The following UBR2 variants were observed in gnomAD, a reference collection of about 807,000 sequenced individuals.
UBR2 encodes E3 ubiquitin-protein ligase UBR2.
UBR2 carries 92 observed loss-of-function variants against 247.9 expected under a neutral mutation model. The observed-to-expected ratio is 0.37, with a 90% confidence interval of 0.31 to 0.44. UBR2 has a LOEUF of 0.44. UBR2 is among the 20% of genes least tolerant of loss of function. The pLI is 1.00. For synonymous variants in UBR2, 672 were observed against 693.5 expected (o/e 0.97, Z 0.49); for missense variants, 1,613 against 2,112.6 (o/e 0.76, Z 4.64).
rs543398872 is a variant in UBR2, at chr6:42,636,749, C to A, written c.1675-262C>A. 2.3e-3 allele frequency among the ~76,000 whole-genome samples: 352 copies of A among 152,052 alleles called. 1 individual carries two copies. Among genetic ancestry groups the A allele is most frequent in the African/African-American group, 8.1e-3 (335 of 41,476 alleles). Reference sequence around the variant, plus strand: ...AGAGAAACTTAGAAGATGAAGTTGCCAGCTTGGTAATAGATTGGACAATGG... The same window carrying A: ...AGAGAAACTTAGAAGATGAAGTTGCAAGCTTGGTAATAGATTGGACAATGG... On this transcript the variant is annotated intron_variant, in intron 14 of 46. Coordinates refer to ENST00000372901, the MANE Select transcript of UBR2 (RefSeq NM_001363705.2).
chr6:42,670,585 T>A, intron 35 of UBR2, 75 bp from the exon 36 acceptor site: 1 of 1,105,526 alleles, frequency 9.0e-7, no homozygotes, highest in Non-Finnish European at 1.3e-6. Flanking sequence ...TGGGGTTTTT[T>A]TAACCTTTTT....
chr6:42,614,375 T>TATATATGTAGGTACGTACATACATAC (rs70990112), intron 8 of UBR2, among the ~76,000 whole-genome samples: 1 of 69,752 alleles, frequency 1.4e-5, no homozygotes, highest in African/African-American at 5.4e-5. Context: ...TGTGTATGTG[T>TATATATGTAGGTACGTACATACATAC]GTATATATGT....
chr6:42,686,491 A>T (rs1459779546), intron 44 of UBR2, among the ~76,000 whole-genome samples: 2 of 152,024 alleles, frequency 1.3e-5, no homozygotes, highest in Admixed American at 1.3e-4. Context: ...CTACACAGAC[A>T]CAGTAACAAT....
At chr6:42,618,680 A>G (rs1794709650) in intron 11 of UBR2, among the ~76,000 whole-genome samples, 1 of 152,244 alleles carries the variant, frequency 6.6e-6, no homozygotes, top group Admixed American at 6.5e-5. Flanking sequence ...AACAAATTGG[A>G]CGAGGATAAA....
intron 11 of UBR2, chr6:42,619,731 CA>C (rs1183130869): frequency 2.6e-3 from 382 of 145,070 alleles, no homozygotes; most frequent in Non-Finnish European, 4.2e-3. Flanking sequence ...ATTCGGTATC[CA>C]AAAAAAAAAA....
intron 7 of UBR2, among the ~76,000 whole-genome samples, chr6:42,610,131 G>A (rs1793977874): frequency 6.6e-6 from 1 of 152,116 alleles, no homozygotes; most frequent in African/African-American, 2.4e-5. Flanking sequence ...ATGTGATCAT[G>A]GTACCTGTGA....
chr6:42,630,463 A>T (rs916847002), intron 11 of UBR2, among the ~76,000 whole-genome samples: 1 of 151,522 alleles, frequency 6.6e-6, no homozygotes, highest in Non-Finnish European at 1.5e-5. Context: ...GATAACAGGC[A>T]TAAGCCACTG....
At chr6:42,594,000 G>T (rs575457788) in intron 3 of UBR2, among the ~76,000 whole-genome samples, 191 bp from the exon 4 acceptor site, 2 of 152,292 alleles carry the variant, frequency 1.3e-5, no homozygotes, top group African/African-American at 4.8e-5. Flanking sequence ...AAATCACTTA[G>T]ATTAGCTTAT....
intron 25 of UBR2, among the ~76,000 whole-genome samples, chr6:42,655,196 G>A (rs895065449): frequency 2.0e-5 from 3 of 152,038 alleles, no homozygotes; most frequent in African/African-American, 7.2e-5. Flanking sequence ...AGTACTTCAA[G>A]GCCGGGCATG....
intron 11 of UBR2, chr6:42,620,114 CA>C: frequency 7.1e-6 from 5 of 707,298 alleles, no homozygotes; most frequent in Non-Finnish European, 8.7e-6. Context: ...ATGGTTAAAC[CA>C]ATTCATGCTT....
intron 37 of UBR2, 54 bp from the exon 38 acceptor site, chr6:42,674,072 T>C (rs1237585290): frequency 1.9e-6 from 3 of 1,555,618 alleles, no homozygotes; most frequent in African/African-American, 2.7e-5. Context: ...ATTATATGCA[T>C]TTTAACATGT....
At chr6:42,603,498 A>G (rs1011619444) in intron 4 of UBR2, 90 bp from the exon 5 acceptor site, 56 of 1,285,856 alleles carry the variant, frequency 4.4e-5, no homozygotes, top group Non-Finnish European at 5.2e-5. Context: ...ACTTTTTACT[A>G]TACTATTTTG....
intron 44 of UBR2, 93 bp from the exon 45 acceptor site, chr6:42,688,121 GAT>G: frequency 2.1e-6 from 3 of 1,444,202 alleles, no homozygotes; most frequent in Non-Finnish European, 9.7e-7. Context: ...GGCTTTACTT[GAT>G]ATTGCAGAAT....
intron 4 of UBR2, among the ~76,000 whole-genome samples, chr6:42,599,620 TG>T (rs1554245737): frequency 1.6e-4 from 3 of 18,668 alleles, no homozygotes; most frequent in African/African-American, 3.4e-4. Flanking sequence ...GGGTTTTTTT[TG>T]TTGTTGTTGT....
chr6:42,596,630 C>T (rs1401068593), intron 4 of UBR2, among the ~76,000 whole-genome samples: 1 of 152,074 alleles, frequency 6.6e-6, no homozygotes, highest in African/African-American at 2.4e-5. Context: ...AATATACATA[C>T]AATGGAATAT....
At chr6:42,652,108 T>A in intron 24 of UBR2, 37 bp downstream of exon 24, 1 of 1,543,986 alleles carries the variant, frequency 6.5e-7, no homozygotes, top group Non-Finnish European at 8.7e-7. Flanking sequence ...TTGCCCATCT[T>A]TTTTGCTTGT....
intron 8 of UBR2, among the ~76,000 whole-genome samples, chr6:42,613,917 G>T (rs1365706908): frequency 6.6e-6 from 1 of 151,196 alleles, no homozygotes; most frequent in African/African-American, 2.4e-5. Flanking sequence ...GCTCATGCTG[G>T]TAATCCCAGC....
intron 26 of UBR2, among the ~76,000 whole-genome samples, chr6:42,657,254 A>G (rs948932171): frequency 1.3e-5 from 2 of 148,906 alleles, no homozygotes; most frequent in Non-Finnish European, 3.0e-5. Context: ...AAAAAAAAAA[A>G]TTAGGTTCTC....
intron 11 of UBR2, among the ~76,000 whole-genome samples, chr6:42,627,781 G>A (rs2151947685): frequency 6.6e-6 from 1 of 152,128 alleles, no homozygotes. Context: ...CAAAGTACTA[G>A]CATTACAGGC....
Sources: allele counts gnomAD v4.1 joint callset (sites outside exome capture counted in the v4.1 genomes callset), GRCh38; gene constraint gnomAD v4.1.1; transcripts MANE v1.5; gene names NCBI Gene and HGNC (gene_info 2026-07-23, HGNC 2026-07-21).